The following CNBD1 variants were observed in gnomAD, a reference collection of about 807,000 sequenced individuals.
The protein encoded by CNBD1 is cyclic nucleotide-binding domain-containing protein 1.
CNBD1 carries 71 observed loss-of-function variants against 54.4 expected under a neutral mutation model. The ratio of observed to expected loss-of-function variants is 1.30; its 90% CI spans 1.08 to 1.59. The LOEUF (loss-of-function observed/expected upper bound fraction) is 1.59. Ranked by LOEUF, CNBD1 falls within the 40% of genes most tolerant of loss-of-function variation. The pLI is 0.00. For missense variants in CNBD1, 659 were observed against 518.0 expected (o/e 1.27, Z -2.64); for synonymous variants, 182 against 170.7 (o/e 1.07, Z -0.51).
chr8:87,228,948 C>T (rs998032707), intron 5 of CNBD1, among the ~76,000 whole-genome samples: 10 of 152,314 alleles, frequency 6.6e-5, no homozygotes, highest in South Asian at 2.1e-4. Context: ...CATGGTGCGC[C>T]GTTTTTTAAG....
intron 4 of CNBD1, among the ~76,000 whole-genome samples, chr8:87,104,132 A>G (rs941707980): frequency 6.6e-6 from 1 of 152,216 alleles, no homozygotes; most frequent in Non-Finnish European, 1.5e-5. Flanking sequence ...AAAGAATCGG[A>G]TGAGGTAATA....
intron 5 of CNBD1, among the ~76,000 whole-genome samples, chr8:87,235,519 A>T (rs1227530557): frequency 2.0e-5 from 3 of 152,078 alleles, no homozygotes; most frequent in Non-Finnish European, 4.4e-5. Context: ...GAGGACAGGG[A>T]GAGAGATGGG....
At chr8:87,040,923 T>C (rs1810053968) in intron 4 of CNBD1, among the ~76,000 whole-genome samples, 1 of 152,034 alleles carries the variant, frequency 6.6e-6, no homozygotes, top group African/African-American at 2.4e-5. Flanking sequence ...ATATGTTGTA[T>C]GTCATTACAC....
chr8:87,394,908 G>A (rs1412801530), intron 2 of CNBD1, among the ~76,000 whole-genome samples: 1 of 151,746 alleles, frequency 6.6e-6, no homozygotes, highest in East Asian at 1.9e-4. Flanking sequence ...ATAAAGCAAA[G>A]CAAGATGAGA....
chr8:86,885,442 G>A (rs1019897423), intron 1 of CNBD1, among the ~76,000 whole-genome samples: 3 of 152,108 alleles, frequency 2.0e-5, no homozygotes, highest in African/African-American at 2.4e-5. Context: ...GATTTTAACC[G>A]TGTTATAGGG....
intron 4 of CNBD1, among the ~76,000 whole-genome samples, chr8:87,155,077 T>C (rs562142127): frequency 1.3e-5 from 2 of 152,094 alleles, no homozygotes; most frequent in Non-Finnish European, 2.9e-5. Context: ...GGAGGGCAAT[T>C]TTCCTCTTTT....
intron 8 of CNBD1, among the ~76,000 whole-genome samples, chr8:87,318,247 G>A (rs751071855): frequency 6.6e-6 from 1 of 151,708 alleles, no homozygotes; most frequent in Non-Finnish European, 1.5e-5. Context: ...TTCTTTGCAT[G>A]CTTTGTAATT....
At chr8:86,879,628 T>G (rs970533522) in intron 1 of CNBD1, among the ~76,000 whole-genome samples, 1 of 152,140 alleles carries the variant, frequency 6.6e-6, no homozygotes, top group Non-Finnish European at 1.5e-5. Flanking sequence ...TTCCAGCACT[T>G]TGGGAGGCCA....
At chr8:86,940,620 A>C (rs1470379915) in intron 4 of CNBD1, among the ~76,000 whole-genome samples, 2 of 152,184 alleles carry the variant, frequency 1.3e-5, no homozygotes. Context: ...GTACCATGAA[A>C]ATTATAGAAG....
intron 4 of CNBD1, among the ~76,000 whole-genome samples, chr8:86,942,369 C>T (rs1807341153): frequency 6.6e-6 from 1 of 152,176 alleles, no homozygotes; most frequent in Non-Finnish European, 1.5e-5. Flanking sequence ...TTATCTGGTC[C>T]TCTGCTCAGT....
chr8:87,405,519 G>A (rs1439298432), intron 2 of CNBD1, among the ~76,000 whole-genome samples: 1 of 151,970 alleles, frequency 6.6e-6, no homozygotes, highest in Non-Finnish European at 1.5e-5. Flanking sequence ...CATATACTTA[G>A]CAATAATTCG....
chr8:86,897,661 A>G (rs1181895003), intron 2 of CNBD1, among the ~76,000 whole-genome samples: 1 of 152,202 alleles, frequency 6.6e-6, no homozygotes, highest in Non-Finnish European at 1.5e-5. Flanking sequence ...AAGCAAAAAT[A>G]TAATGTTTTT....
intron 4 of CNBD1, among the ~76,000 whole-genome samples, chr8:86,958,491 G>A (rs1292989480): frequency 6.6e-6 from 1 of 152,182 alleles, no homozygotes; most frequent in Non-Finnish European, 1.5e-5. Context: ...CTAGGGACTT[G>A]CTTTATGAAT....
intron 4 of CNBD1, among the ~76,000 whole-genome samples, chr8:87,146,325 C>G (rs904664177): frequency 6.6e-6 from 1 of 152,036 alleles, no homozygotes; most frequent in Non-Finnish European, 1.5e-5. Flanking sequence ...GAACTGGTAA[C>G]CCAGTTACAT....
intron 3 of CNBD1, among the ~76,000 whole-genome samples, chr8:86,933,627 C>G (rs181447440): frequency 1.3e-5 from 2 of 152,178 alleles, no homozygotes; most frequent in East Asian, 3.9e-4. Context: ...GGTTACTTAT[C>G]TTGGAATGAG....
chr8:87,010,616 A>C (rs1809198410), intron 4 of CNBD1, among the ~76,000 whole-genome samples: 1 of 152,004 alleles, frequency 6.6e-6, no homozygotes. Flanking sequence ...CTGATGGTAC[A>C]TGCCTGTAAT....
intron 2 of CNBD1, among the ~76,000 whole-genome samples, chr8:87,394,019 A>G (rs1045128254): frequency 6.6e-6 from 1 of 151,904 alleles, no homozygotes; most frequent in Non-Finnish European, 1.5e-5. Context: ...GAGTCCAATC[A>G]ACTTCTAGTT....
At chr8:87,088,034 C>CATAGA (rs1343434134) in intron 4 of CNBD1, among the ~76,000 whole-genome samples, 2 of 152,234 alleles carry the variant, frequency 1.3e-5, no homozygotes, top group African/African-American at 4.8e-5. Context: ...CATTTGTCAC[C>CATAGA]ATAGAATAGC....
intron 4 of CNBD1, among the ~76,000 whole-genome samples, chr8:87,120,178 G>C (rs1265752974): frequency 6.6e-6 from 1 of 152,022 alleles, no homozygotes; most frequent in African/African-American, 2.4e-5. Flanking sequence ...ATATTTGTTA[G>C]AATTTGTCTG....
Sources: allele counts gnomAD v4.1 joint callset (sites outside exome capture counted in the v4.1 genomes callset), GRCh38; gene constraint gnomAD v4.1.1; transcripts MANE v1.5; gene names NCBI Gene and HGNC (gene_info 2026-07-23, HGNC 2026-07-21).